The following CD2AP variants were observed in gnomAD, a reference collection of about 807,000 sequenced individuals.
The protein encoded by CD2AP is CD2-associated protein.
Under a neutral mutation model 85.1 loss-of-function variants are expected in CD2AP, and 46 were observed. The observed-to-expected ratio is 0.54, with a 90% confidence interval of 0.43 to 0.69. CD2AP has a LOEUF of 0.69. Among genes scored for constraint, CD2AP ranks in the 30% least tolerant of loss-of-function variants. The pLI is 0.00. For synonymous variants in CD2AP, 255 were observed against 252.9 expected, an observed-to-expected ratio of 1.01 and a Z score of -0.08; for missense variants, 769 against 729.5, an observed-to-expected ratio of 1.05 and a Z score of -0.62.
intron 4 of CD2AP, 65 bp from the exon 5 acceptor site, chr6:47,554,581 C>G: frequency 6.3e-7 from 1 of 1,585,804 alleles, no homozygotes; most frequent in Non-Finnish European, 8.6e-7. Context: ...GCTTAATTTT[C>G]CCATAGGGTG....
rs1044281628 is a variant in CD2AP at position 47,625,851 on chromosome 6, A to T, written c.*1624A>T. 2 of 151,882 alleles carry T rather than the reference A, an allele frequency of 1.3e-5. No individual in the cohort carries two copies. Among genetic ancestry groups the T allele is most frequent in the African/African-American group, 4.8e-5 (2 of 41,420 alleles). The allele number at this position is 151,882 out of a possible 1,614,324, so 9.4% of individuals were successfully genotyped here. A position where few individuals can be genotyped will look rare whatever the true frequency, so the allele number is the denominator to read the frequency against. On this transcript the variant is annotated 3_prime_UTR_variant, in exon 18 of 18. Transcript: ENST00000359314. ...GGGGAATGCTAATTATATATTGAGA[A>T]TATACATTAGAACTCTTCAAAATGG...
At chr6:47,615,575 A>G (rs1769554311) in intron 17 of CD2AP, among the ~76,000 whole-genome samples, 1 of 151,956 alleles carries the variant, frequency 6.6e-6, no homozygotes, top group Non-Finnish European at 1.5e-5. Context: ...TTAAACAACC[A>G]GATCTTGTGT....
At chr6:47,505,891 G>GT (rs1233254163) in intron 2 of CD2AP, among the ~76,000 whole-genome samples, 13 of 117,702 alleles carry the variant, frequency 1.1e-4, no homozygotes, top group Admixed American at 3.1e-4. Flanking sequence ...GGCTGGCCGG[G>GT]CGGGGGGCTG....
chr6:47,502,940 G>A (rs1766034972), intron 1 of CD2AP, among the ~76,000 whole-genome samples: 1 of 152,170 alleles, frequency 6.6e-6, no homozygotes. Flanking sequence ...AATTACATAA[G>A]GACATGAATA....
intron 4 of CD2AP, among the ~76,000 whole-genome samples, chr6:47,553,449 T>G (rs1417100079): frequency 6.6e-6 from 1 of 151,132 alleles, no homozygotes; most frequent in South Asian, 2.1e-4. Context: ...CAGGTTCAAC[T>G]GATTCTCCTG....
chr6:47,605,257 A>G (rs552332255), intron 13 of CD2AP, among the ~76,000 whole-genome samples: 6 of 152,040 alleles, frequency 3.9e-5, no homozygotes, highest in Non-Finnish European at 5.9e-5. Context: ...AAGGAAGGTT[A>G]TATTAAAAAT....
intron 5 of CD2AP, among the ~76,000 whole-genome samples, chr6:47,559,419 C>T (rs1236118235): frequency 6.6e-6 from 1 of 151,788 alleles, no homozygotes; most frequent in African/African-American, 2.4e-5. Flanking sequence ...TCATGATGCA[C>T]AGCTAATTAA....
intron 2 of CD2AP, among the ~76,000 whole-genome samples, chr6:47,524,890 G>C (rs1021684378): frequency 6.6e-6 from 1 of 152,070 alleles, no homozygotes; most frequent in Non-Finnish European, 1.5e-5. Context: ...TGCCGATTTT[G>C]ATCTATTGAC....
chr6:47,482,770 A>G (rs923068723), intron 1 of CD2AP, among the ~76,000 whole-genome samples: 2 of 152,226 alleles, frequency 1.3e-5, no homozygotes, highest in East Asian at 1.9e-4. Flanking sequence ...TAGAAAACTC[A>G]AAGTGCTTCA....
At chr6:47,495,960 G>T (rs1228845101) in intron 1 of CD2AP, among the ~76,000 whole-genome samples, 1 of 151,966 alleles carries the variant, frequency 6.6e-6, no homozygotes, top group Non-Finnish European at 1.5e-5. Context: ...TTTGTTACTG[G>T]TTCTGTTATT....
rs1765343205 is a variant in CD2AP at position 47,477,936 on chromosome 6, C to A, written c.-309C>A. On this transcript the variant is annotated 5_prime_UTR_variant, in exon 1 of 18. Transcript: ENST00000359314. The stretch of plus-strand genomic sequence containing the variant: ...CAAACCGGTGGGTCCCTCCCCACTG[C>A]GGGAGCGGCCAGGGTGGGAAAACCG... 1 of 495,052 alleles carries A rather than the reference C, an allele frequency of 2.0e-6. No homozygotes were observed. Among genetic ancestry groups the A allele is most frequent in the Admixed American group, 3.6e-5 (1 of 28,072 alleles). The allele number at this position is 495,052 out of a possible 1,614,324, so 30.7% of individuals were successfully genotyped here.
intron 5 of CD2AP, among the ~76,000 whole-genome samples, chr6:47,563,246 T>A (rs1767907915): frequency 6.6e-6 from 1 of 152,218 alleles, no homozygotes; most frequent in Non-Finnish European, 1.5e-5. Context: ...AAGACAAATG[T>A]GAAGTAAGTA....
chr6:47,533,812 A>G, intron 3 of CD2AP, 57 bp downstream of exon 3: 2 of 1,561,600 alleles, frequency 1.3e-6, no homozygotes, highest in East Asian at 2.3e-5. Context: ...ATATTTTATA[A>G]CTGTGTCTAA....
At chr6:47,597,791 C>T (rs200404923) in intron 12 of CD2AP, among the ~76,000 whole-genome samples, 7 of 68,060 alleles carry the variant, frequency 1.0e-4, no homozygotes, top group African/African-American at 2.6e-4. Flanking sequence ...GTACTGGTGT[C>T]GTGGAGTTTG....
At chr6:47,611,955 G>A (rs1418101895) in intron 16 of CD2AP, among the ~76,000 whole-genome samples, 3 of 152,084 alleles carry the variant, frequency 2.0e-5, no homozygotes, top group Non-Finnish European at 4.4e-5. Context: ...AGGGAACACG[G>A]GAAGGTGAAA....
intron 4 of CD2AP, among the ~76,000 whole-genome samples, chr6:47,545,349 T>G (rs1439876434): frequency 6.6e-6 from 1 of 152,052 alleles, no homozygotes; most frequent in African/African-American, 2.4e-5. Flanking sequence ...CACAGCAAGA[T>G]CCACCCAAGG....
intron 1 of CD2AP, among the ~76,000 whole-genome samples, chr6:47,499,507 G>A (rs1486745042): frequency 2.0e-5 from 3 of 151,956 alleles, no homozygotes; most frequent in African/African-American, 7.3e-5. Flanking sequence ...GGAGAAACTT[G>A]GCTTCCATTA....
intron 1 of CD2AP, among the ~76,000 whole-genome samples, chr6:47,497,084 C>G (rs959554102): frequency 6.6e-6 from 1 of 151,472 alleles, no homozygotes; most frequent in Non-Finnish European, 1.5e-5. Flanking sequence ...TTTTGTTTTG[C>G]TGTACGATAA....
At chr6:47,535,236 C>A (rs1386587159) in intron 3 of CD2AP, among the ~76,000 whole-genome samples, 1 of 152,050 alleles carries the variant, frequency 6.6e-6, no homozygotes. Context: ...TGCAAAAATT[C>A]AAAAAACTGC....
Sources: allele counts gnomAD v4.1 joint callset (sites outside exome capture counted in the v4.1 genomes callset), GRCh38; gene constraint gnomAD v4.1.1; transcripts MANE v1.5; gene names NCBI Gene and HGNC (gene_info 2026-07-23, HGNC 2026-07-21).